Variants in PGM5 observed in about 807,000 individuals in gnomAD.
PGM5 encodes phosphoglucomutase 5, also known as phosphoglucomutase-like protein 5.
PGM5 carries 23 observed loss-of-function variants against 59.2 expected under a neutral mutation model. The observed-to-expected ratio is 0.39, with a 90% CI of 0.28 to 0.55. PGM5 has a LOEUF of 0.55. Ranked by LOEUF, PGM5 falls within the 20% of genes least tolerant of loss-of-function variation. The pLI, the probability that PGM5 is intolerant of heterozygous loss-of-function variation, is 0.66. For synonymous variants in PGM5, 214 were observed against 286.0 expected (o/e 0.75, Z 2.54); for missense variants, 574 against 748.3 (o/e 0.77, Z 2.72).
In PGM5 at chr9:68,529,853, G is replaced by T. The variant is rs1235602445; in HGVS notation, c.*197G>T. 4.0e-6 allele frequency: 2 copies of T among 494,990 alleles called. No homozygotes were observed. The highest frequency in any genetic ancestry group is 2.0e-5 in the African/African-American group (1 of 49,640). The allele number at this position is 494,990 out of a possible 1,614,324, so 30.7% of individuals were successfully genotyped here. A position where few individuals can be genotyped will look rare whatever the true frequency, so the allele number is the denominator to read the frequency against. On this transcript the variant is annotated 3_prime_UTR_variant, in exon 11 of 11. Coordinates refer to ENST00000396396, the MANE Select transcript of PGM5 (RefSeq NM_021965.4). ...GTTTTGTCCTATTCCTCCAAATGCA[G>T]CAGGGCCTTTAGTTGTCTGTTAAAG... is the stretch of plus-strand genomic sequence containing the variant.
At chr9:68,388,059 T>A (rs1822271473) in intron 4 of PGM5, among the ~76,000 whole-genome samples, 1 of 145,730 alleles carries the variant, frequency 6.9e-6, no homozygotes, top group African/African-American at 2.5e-5. Flanking sequence ...TGAGCATTAC[T>A]GAATTCATAC....
At chr9:68,521,034 T>C (rs748721793) in intron 10 of PGM5, among the ~76,000 whole-genome samples, 4 of 152,210 alleles carry the variant, frequency 2.6e-5, no homozygotes, top group Non-Finnish European at 4.4e-5. Flanking sequence ...AACTTTTCCC[T>C]CAGTATAAGG....
At chr9:68,458,481 T>C in intron 6 of PGM5, among the ~76,000 whole-genome samples, 1 of 152,234 alleles carries the variant, frequency 6.6e-6, no homozygotes, top group Non-Finnish European at 1.5e-5. Flanking sequence ...TTTTAAATAT[T>C]CTTTAAATGA....
intron 10 of PGM5, among the ~76,000 whole-genome samples, chr9:68,501,378 A>C (rs1472817500): frequency 6.6e-6 from 1 of 152,214 alleles, no homozygotes; most frequent in Non-Finnish European, 1.5e-5. Context: ...AAATCTAACC[A>C]CCTAGGGGAA....
chr9:68,518,551 A>G (rs1190345293), intron 10 of PGM5, among the ~76,000 whole-genome samples: 1 of 152,248 alleles, frequency 6.6e-6, no homozygotes, highest in Non-Finnish European at 1.5e-5. Flanking sequence ...CAAATAACTG[A>G]AAACTATAAA....
At chr9:68,431,082 C>A (rs1823338253) in intron 6 of PGM5, among the ~76,000 whole-genome samples, 1 of 152,118 alleles carries the variant, frequency 6.6e-6, no homozygotes, top group African/African-American at 2.4e-5. Context: ...AAAGAAACAA[C>A]CAAAAGCAAA....
chr9:68,416,553 A>G (rs1181388306), intron 6 of PGM5, among the ~76,000 whole-genome samples: 1 of 152,198 alleles, frequency 6.6e-6, no homozygotes, highest in South Asian at 2.1e-4. Flanking sequence ...TCAGGATTCA[A>G]GTTTACTCCT....
rs143891902 is a variant in PGM5, at chr9:68,460,106, A to T, written c.1044-4987A>T. Among the ~76,000 whole-genome samples the T allele has an allele frequency of 2.5e-3, 378 of 152,302 alleles. 2 individuals carry two copies. The highest frequency in any genetic ancestry group is 8.7e-3 in the African/African-American group (360 of 41,568). ...ATCTTGTGCTCTTTAAATCTATCAC[A>T]ACTTTCTTGAAGTAGGATTCCAAGA... is the stretch of plus-strand genomic sequence containing the variant. On this transcript the variant is annotated intron_variant, in intron 6 of 10. Transcript: ENST00000396396.
At chr9:68,407,038 G>A (rs868977769) in intron 6 of PGM5, among the ~76,000 whole-genome samples, 2 of 151,916 alleles carry the variant, frequency 1.3e-5, no homozygotes, top group Admixed American at 1.3e-4. Context: ...TAGTTTTTCA[G>A]ATTACTTTGT....
At chr9:68,508,184 G>A (rs1251426646) in intron 10 of PGM5, among the ~76,000 whole-genome samples, 1 of 151,910 alleles carries the variant, frequency 6.6e-6, no homozygotes, top group African/African-American at 2.4e-5. Context: ...CTCTCTTTGT[G>A]GCAATATATA....
intron 1 of PGM5, among the ~76,000 whole-genome samples, chr9:68,363,238 G>C (rs1351438354): frequency 1.3e-5 from 2 of 152,264 alleles, no homozygotes; most frequent in Admixed American, 1.3e-4. Context: ...TTCAATAGAA[G>C]TTTCTTTGAT....
At chr9:68,406,725 T>C (rs1822826942) in intron 6 of PGM5, among the ~76,000 whole-genome samples, 1 of 112,382 alleles carries the variant, frequency 8.9e-6, no homozygotes, top group Non-Finnish European at 1.7e-5. Context: ...TATATATATA[T>C]GTATATAGTG....
At chr9:68,499,677 G>A (rs781791179) in intron 10 of PGM5, among the ~76,000 whole-genome samples, 7 of 152,172 alleles carry the variant, frequency 4.6e-5, no homozygotes, top group African/African-American at 9.7e-5. Flanking sequence ...GAAATTTAGC[G>A]TTAGAGTCAA....
At position 68,499,328 on chromosome 9, in the gene PGM5, G is replaced by C; in HGVS notation, c.1581G>C (p.Glu527Asp). The change falls in exon 10 of 11, where the codon GAG becomes GAC. Residue 527 changes from glutamate (E) to aspartate (D), a missense_variant. By Grantham distance (45) the Glu-to-Asp change is conservative. Transcript: ENST00000396396. Reference protein sequence around the residue: ...ATLRLYAESYERDPSGHDQEP... With the variant: ...ATLRLYAESYDRDPSGHDQEP... ...TCAGACTGTACGCAGAGAGCTACGA[G>C]AGGGATCCCAGCGGCCATGACCAGG... 6.2e-7 allele frequency: 1 copy of C among 1,614,156 alleles called. No individual in the cohort carries two copies. The highest frequency in any genetic ancestry group is 8.5e-7 in the Non-Finnish European group (1 of 1,180,022).
At chr9:68,457,136 A>G (rs1408930256) in intron 6 of PGM5, among the ~76,000 whole-genome samples, 1 of 152,216 alleles carries the variant, frequency 6.6e-6, no homozygotes, top group East Asian at 1.9e-4. Flanking sequence ...ATGCATTGCA[A>G]CTATCTTCTC....
chr9:68,477,019 T>C (rs782454546), intron 7 of PGM5, among the ~76,000 whole-genome samples: 13 of 152,244 alleles, frequency 8.5e-5, no homozygotes, highest in Non-Finnish European at 1.6e-4. Context: ...CAAAAGGTTT[T>C]GAAGTGATCC....
chr9:68,479,535 G>A lies in PGM5; in HGVS notation c.1277G>A (p.Gly426Asp). Residue 426 changes from glycine to aspartate, a missense_variant, in exon 8 of 11, where the codon GGC becomes GAC. Gly to Asp is a moderately conservative substitution (Grantham distance 94). Coordinates refer to ENST00000396396, the MANE Select transcript of PGM5 (RefSeq NM_021965.4). ...EIVRDHWAKF[G>D]RHYYCRFDYE... Reference sequence around the variant, plus strand: ...GTCCGAGATCACTGGGCCAAATTTGGCCGCCACTACTATTGCAGGTGAGGA... The same window carrying A: ...GTCCGAGATCACTGGGCCAAATTTGACCGCCACTACTATTGCAGGTGAGGA... 6.2e-7 allele frequency: 1 copy of A among 1,614,090 alleles called. No individual in the cohort carries two copies. Among genetic ancestry groups the A allele is most frequent in the South Asian group, 1.1e-5 (1 of 91,086 alleles).
At chr9:68,450,589 A>T (rs1823680199) in intron 6 of PGM5, among the ~76,000 whole-genome samples, 1 of 152,356 alleles carries the variant, frequency 6.6e-6, no homozygotes, top group Non-Finnish European at 1.5e-5. Flanking sequence ...CTGTAAGTTT[A>T]ATAAAAGTTT....
chr9:68,380,063 C>T (rs1554678196), intron 2 of PGM5, among the ~76,000 whole-genome samples: 2 of 151,842 alleles, frequency 1.3e-5, no homozygotes, highest in Non-Finnish European at 2.9e-5. Context: ...AAAAAATTAA[C>T]AAGACAACAC....
Sources: gnomAD v4.1 joint callset for allele counts (sites outside exome capture counted in the v4.1 genomes callset) on GRCh38, gnomAD v4.1.1 for gene constraint, MANE v1.5 for transcripts, NCBI Gene and HGNC (gene_info 2026-07-23, HGNC 2026-07-21) for gene names.